The following EDIL3 variants were observed in gnomAD, a reference collection of about 807,000 sequenced individuals.
EDIL3 encodes the protein EGF like and discoidin domains 3.
Under a neutral mutation model 67.4 loss-of-function variants are expected in EDIL3, and 37 were observed. That is an observed-to-expected ratio of 0.55 (90% confidence interval 0.42 to 0.72). The LOEUF is 0.72. EDIL3 is among the 30% of genes least tolerant of loss of function. The probability of loss-of-function intolerance (pLI) is 0.00; values close to 1 mark genes in which losing one functional copy is unlikely to be tolerated. For synonymous variants in EDIL3, 195 were observed against 196.3 expected, an observed-to-expected ratio of 0.99 and a Z score of 0.05; for missense variants, 527 against 586.3, an observed-to-expected ratio of 0.90 and a Z score of 1.04.
At chr5:84,239,275 T>C (rs1744746612) in intron 2 of EDIL3, among the ~76,000 whole-genome samples, 1 of 152,176 alleles carries the variant, frequency 6.6e-6, no homozygotes, top group Admixed American at 6.5e-5. Flanking sequence ...TTTGATAACG[T>C]ATTTTAAAAT....
chr5:84,375,347 G>T (rs305639), intron 1 of EDIL3, among the ~76,000 whole-genome samples: 144,317 of 152,238 alleles, frequency 0.95, 68,633 homozygotes, highest in Non-Finnish European at 0.97. Flanking sequence ...TACTTAAAAT[G>T]ATTGCAGTTT....
intron 4 of EDIL3, among the ~76,000 whole-genome samples, chr5:84,172,482 A>G (rs937988127): frequency 5.3e-5 from 8 of 152,012 alleles, no homozygotes; most frequent in Non-Finnish European, 1.0e-4. Context: ...TGGGAGGCTG[A>G]GGTGGGAAGA....
chr5:84,183,678 C>T (rs752204696), intron 3 of EDIL3, among the ~76,000 whole-genome samples: 7 of 152,140 alleles, frequency 4.6e-5, no homozygotes, highest in South Asian at 2.1e-4. Flanking sequence ...AAGAAATTAC[C>T]GAAGAGAGTG....
chr5:84,383,757 C>T (rs1013419302), intron 1 of EDIL3, among the ~76,000 whole-genome samples: 49 of 152,166 alleles, frequency 3.2e-4, no homozygotes, highest in African/African-American at 9.9e-4. Context: ...AGACTCCTCT[C>T]CACCTCACCC....
chr5:84,302,325 C>G (rs561232671), intron 1 of EDIL3, among the ~76,000 whole-genome samples: 74 of 152,096 alleles, frequency 4.9e-4, no homozygotes, highest in African/African-American at 1.7e-3. Context: ...GAGACAGAGT[C>G]TCACTCTGTC....
intron 1 of EDIL3, among the ~76,000 whole-genome samples, chr5:84,272,662 T>C (rs567861345): frequency 6.6e-6 from 1 of 152,300 alleles, no homozygotes; most frequent in East Asian, 1.9e-4. Context: ...TCATAAATGG[T>C]ATAATTCAAC....
intron 4 of EDIL3, among the ~76,000 whole-genome samples, chr5:84,166,283 T>C (rs1748702019): frequency 6.6e-6 from 1 of 152,184 alleles, no homozygotes; most frequent in Non-Finnish European, 1.5e-5. Flanking sequence ...AGTATTATTT[T>C]TCTTCACATT....
chr5:84,004,211 A>G lies in EDIL3; in HGVS notation c.1138-40851T>C, dbSNP rs187013027. Among the ~76,000 whole-genome samples, 312 of 152,260 alleles carry G rather than the reference A, an allele frequency of 2.0e-3. 1 individual carries two copies. The highest frequency in any genetic ancestry group is 7.3e-3 in the African/African-American group (303 of 41,564). Reference sequence around the variant, plus strand: ...AGAGACTTACGAAGAGACTTAAATAACCACAAAATAATAGTGTGAGAATTT... The same window carrying G: ...AGAGACTTACGAAGAGACTTAAATAGCCACAAAATAATAGTGTGAGAATTT... On this transcript the variant is annotated intron_variant, in intron 9 of 10. Coordinates refer to ENST00000296591, the MANE Select transcript of EDIL3 (RefSeq NM_005711.5).
chr5:84,063,524 C>G (rs957677858), intron 8 of EDIL3, among the ~76,000 whole-genome samples: 1 of 152,100 alleles, frequency 6.6e-6, no homozygotes, highest in African/African-American at 2.4e-5. Context: ...GCTCACTTGA[C>G]TGTACAAATT....
At chr5:84,249,771 T>G (rs996184684) in intron 2 of EDIL3, among the ~76,000 whole-genome samples, 1 of 152,144 alleles carries the variant, frequency 6.6e-6, no homozygotes, top group Non-Finnish European at 1.5e-5. Flanking sequence ...ATTTAAAAAT[T>G]CTCAAGATTT....
At chr5:84,047,190 G>A (rs190334048) in intron 9 of EDIL3, among the ~76,000 whole-genome samples, 1 of 152,088 alleles carries the variant, frequency 6.6e-6, no homozygotes, top group Non-Finnish European at 1.5e-5. Context: ...TGTATCTGGG[G>A]TTAATCTATT....
intron 4 of EDIL3, among the ~76,000 whole-genome samples, chr5:84,173,471 C>T (rs371792869): frequency 4.6e-5 from 7 of 152,212 alleles, no homozygotes; most frequent in Non-Finnish European, 7.4e-5. Context: ...CAGACTCGCA[C>T]GACTGCCCCC....
At chr5:84,189,375 G>C (rs984678299) in intron 3 of EDIL3, among the ~76,000 whole-genome samples, 2 of 151,922 alleles carry the variant, frequency 1.3e-5, no homozygotes, top group Non-Finnish European at 2.9e-5. Flanking sequence ...GATGGCAGTA[G>C]TTTTTCAGGC....
intron 9 of EDIL3, among the ~76,000 whole-genome samples, chr5:83,987,136 T>C (rs951164919): frequency 1.3e-5 from 2 of 152,170 alleles, no homozygotes; most frequent in African/African-American, 2.4e-5. Flanking sequence ...CATTAGACTT[T>C]CCCAGGCCTT....
rs200045595 is a variant in EDIL3 at position 83,990,879 on chromosome 5, CAATAAATAAATAAATAAATAAATA to C, written c.1138-27543_1138-27520del. Reference sequence around the variant, plus strand: ...TGGGCAACAGAGAAAGACTCTGTCTCAATAAATAAATAAATAAATAAATAAATAAATAAATAAATAAATAAATAA... The same window carrying C: ...TGGGCAACAGAGAAAGACTCTGTCTCAATAAATAAATAAATAAATAAATAA... On this transcript the variant is annotated intron_variant, in intron 9 of 10. Coordinates refer to ENST00000296591, the MANE Select transcript of EDIL3 (RefSeq NM_005711.5). 3.5e-3 allele frequency among the ~76,000 whole-genome samples: 498 copies of C among 140,314 alleles called. 6 individuals are homozygous for C. The highest frequency in any genetic ancestry group is 0.013 in the African/African-American group (476 of 37,796). The allele number at this position is 140,314 out of a possible 152,430, so 92.1% of individuals were successfully genotyped here.
At chr5:84,371,887 T>C (rs1747863301) in intron 1 of EDIL3, among the ~76,000 whole-genome samples, 1 of 152,112 alleles carries the variant, frequency 6.6e-6, no homozygotes, top group Non-Finnish European at 1.5e-5. Context: ...CTTCCTATCT[T>C]CTTATTCATT....
At position 84,280,255 on chromosome 5, in the gene EDIL3, C is replaced by A. The variant is rs1745669224; in HGVS notation, c.68-26043G>T. Among the ~76,000 whole-genome samples the A allele has an allele frequency of 2.0e-5, 3 of 152,164 alleles. No individual in the cohort carries two copies. The South Asian group carries it at 6.2e-4, about 32-fold the overall frequency. ...ATTTAGAATAGGGGTGCCCATCCCCCAGGCCATGACTGGTACTGCCTTCAG... is the reference window on the plus strand; with the variant it reads ...ATTTAGAATAGGGGTGCCCATCCCCAAGGCCATGACTGGTACTGCCTTCAG... On this transcript the variant is annotated intron_variant, in intron 1 of 10. Transcript: ENST00000296591.
intron 6 of EDIL3, among the ~76,000 whole-genome samples, chr5:84,078,184 A>G (rs1746898324): frequency 6.6e-6 from 1 of 152,160 alleles, no homozygotes; most frequent in Non-Finnish European, 1.5e-5. Context: ...GTGCTCAAGA[A>G]GAAATCCACA....
chr5:84,062,620 A>G (rs1746567020), intron 8 of EDIL3, among the ~76,000 whole-genome samples: 1 of 152,112 alleles, frequency 6.6e-6, no homozygotes, highest in South Asian at 2.1e-4. Flanking sequence ...ATCTTAAGTC[A>G]TACTTCTTTC....
Sources: allele counts gnomAD v4.1 joint callset (sites outside exome capture counted in the v4.1 genomes callset), GRCh38; gene constraint gnomAD v4.1.1; transcripts MANE v1.5; gene names NCBI Gene and HGNC (gene_info 2026-07-23, HGNC 2026-07-21).